The following RIPOR1 variants were observed in gnomAD, a reference collection of about 807,000 sequenced individuals.
RIPOR1 encodes RHO family interacting cell polarization regulator 1.
A neutral mutation model predicts 116.5 loss-of-function variants in RIPOR1; 58 were observed. The ratio of observed to expected loss-of-function variants is 0.50; its 90% CI spans 0.40 to 0.62. The LOEUF is 0.62. Ranked by LOEUF, RIPOR1 falls within the 20% of genes least tolerant of loss-of-function variation. RIPOR1 has a pLI of 0.00. For missense variants in RIPOR1, 1,372 were observed against 1,586.2 expected (o/e 0.86, Z 2.29); for synonymous variants, 605 against 650.0 (o/e 0.93, Z 1.05).
At chr16:67,538,366 C>A in intron 1 of RIPOR1, 58 bp from the exon 2 acceptor site, 1 of 1,514,624 alleles carries the variant, frequency 6.6e-7, no homozygotes, top group Non-Finnish European at 8.9e-7. Context: ...GATCCCGCTG[C>A]GTGGGAGAGG....
rs555451756 is a variant in RIPOR1, at chr16:67,542,584, A to G, written c.1798A>G (p.Ser600Gly). The G allele has an allele frequency of 6.2e-7, 1 of 1,613,740 alleles. No homozygotes were observed. Among genetic ancestry groups the G allele is most frequent in the Admixed American group, 1.7e-5 (1 of 59,970 alleles). The change falls in exon 13 of 22, where the codon AGC (serine) becomes GGC (glycine). Residue 600 changes from serine to glycine, a missense_variant. This residue lies in a region of RIPOR1 where 1,005 missense variants were observed against 1,144.7 expected (regional missense o/e 0.88). Transcript: ENST00000042381. The surrounding 1 kb of genome is among the most constrained non-coding windows in gnomAD (Gnocchi z 4.6). ...NIIGPVQTTT[S>G]PTHTMPSPTH... Reference sequence around the variant, plus strand: ...CATAGGCCCAGTCCAGACTACCACAAGCCCCACCCACACTATGCCAAGCCC... The same window carrying G: ...CATAGGCCCAGTCCAGACTACCACAGGCCCCACCCACACTATGCCAAGCCC...
In RIPOR1 at chr16:67,531,288, TC is replaced by T. The variant is rs1265616034; in HGVS notation, c.-24+2376del. On this transcript the variant is annotated intron_variant, in intron 1 of 21. Coordinates refer to ENST00000042381, the MANE Select transcript of RIPOR1 (RefSeq NM_024519.4). The surrounding 1 kb of genome is among the most constrained non-coding windows in gnomAD (Gnocchi z 4.2). ...CAACAAACAGCTCAGGACCTGCTGT[TC>T]CTGTGTCTAGGCAGCCCAGCTTCCC... is the stretch of plus-strand genomic sequence containing the variant. 1.3e-5 allele frequency among the ~76,000 whole-genome samples: 2 copies of T among 151,898 alleles called. No individual in the cohort carries two copies. The highest frequency in any genetic ancestry group is 2.9e-5 in the Non-Finnish European group (2 of 67,970).
chr16:67,536,498 T>G (rs2050798525), intron 1 of RIPOR1, among the ~76,000 whole-genome samples: 1 of 152,022 alleles, frequency 6.6e-6, no homozygotes, highest in South Asian at 2.1e-4. Flanking sequence ...GAGGCCCATG[T>G]GAGCTGGGGG....
Position 67,542,958 on chromosome 16 carries a change from TC to T in RIPOR1, c.2176del (p.His726ThrfsTer27). 1 of 1,580,596 alleles carries T rather than the reference TC, an allele frequency of 6.3e-7. No individual in the cohort carries two copies. The highest frequency in any genetic ancestry group is 1.2e-5 in the South Asian group (1 of 85,658). On this transcript the variant is annotated frameshift_variant, in exon 13 of 22. Transcript: ENST00000042381. LOFTEE classifies it high-confidence loss of function. The surrounding 1 kb of genome is among the most constrained non-coding windows in gnomAD (Gnocchi z 4.6). ...AGGCAGACCCTATGGCCCCCAGAACTCCCCACCCAAGTCCTGCCCATTCCAG... is the reference window on the plus strand; with the variant it reads ...AGGCAGACCCTATGGCCCCCAGAACTCCCACCCAAGTCCTGCCCATTCCAG... ...TQADPMAPRTPHPSPAHSSRK... is the reference protein window; with the variant it reads ...TQADPMAPRTXHPSPAHSSRK...
At chr16:67,524,700 G>T (rs1319145070), upstream of RIPOR1, among the ~76,000 whole-genome samples, 1 of 152,140 alleles carries the variant, frequency 6.6e-6, no homozygotes, top group African/African-American at 2.4e-5. Context: ...TGCCTCATCT[G>T]GGATGTCTCC....
At position 67,538,660 on chromosome 16, in the gene RIPOR1, CCT is replaced by C. The variant is rs1266889658; in HGVS notation, c.105-8_105-7del. ...CCTGCTCTCCTCTTTCTGAGGACAG[CCT>C]CTCCTTCAGGAGTTTCCCGGTCTTC... On this transcript the variant is annotated splice_polypyrimidine_tract_variant and intron_variant, in intron 2 of 21. Transcript: ENST00000042381. The C allele has an allele frequency of 2.5e-6, 4 of 1,612,000 alleles. No homozygotes were observed. Among genetic ancestry groups the C allele is most frequent in the Non-Finnish European group, 3.4e-6 (4 of 1,179,312 alleles).
Position 67,546,207 on chromosome 16 carries a change from G to T in RIPOR1, c.3538G>T (p.Ala1180Ser), listed in dbSNP as rs542236595. 4 of 1,614,140 alleles carry T rather than the reference G, an allele frequency of 2.5e-6. No individual in the cohort carries two copies. The South Asian group carries it at 3.3e-5, about 13-fold the overall frequency. Residue 1180 changes from alanine (A) to serine (S), a missense_variant, in exon 21 of 22, where the codon GCC becomes TCC. This residue lies in a region of RIPOR1 where 1,005 missense variants were observed against 1,144.7 expected (regional missense o/e 0.88). Transcript: ENST00000042381. ...QTDTEAVREAARQSLQQCGEE... is the reference protein window; with the variant it reads ...QTDTEAVREASRQSLQQCGEE... ...TGACACAGAAGCTGTGAGGGAAGCTGCCCGGCAAAGCCTACAGCAGTGTGG... is the reference window on the plus strand; with the variant it reads ...TGACACAGAAGCTGTGAGGGAAGCTTCCCGGCAAAGCCTACAGCAGTGTGG...
Position 67,544,708 on chromosome 16 carries a change from T to A in RIPOR1, c.2747T>A (p.Phe916Tyr), listed in dbSNP as rs749667949. 6.2e-7 allele frequency: 1 copy of A among 1,613,264 alleles called. No individual in the cohort carries two copies. The highest frequency in any genetic ancestry group is 1.1e-5 in the South Asian group (1 of 91,086). The change falls in exon 16 of 22, where the codon TTT (phenylalanine) becomes TAT (tyrosine). Residue 916 changes from phenylalanine (F) to tyrosine (Y), a missense_variant. Phe to Tyr is a conservative substitution (Grantham distance 22). Around this residue, in one of 3 missense-constraint regions of RIPOR1, gnomAD observed 1,005 missense variants for 1,144.7 expected, o/e 0.88. Coordinates refer to ENST00000042381, the MANE Select transcript of RIPOR1 (RefSeq NM_024519.4). The surrounding 1 kb of genome is among the most constrained non-coding windows in gnomAD (Gnocchi z 5.1). The stretch of plus-strand genomic sequence containing the variant: ...CATGTTCTCCAGAAACTGGGCACAT[T>A]TGGGCCCCTGCGCTGCCAGGAGGCA... ...CSRLLLKLGT[F>Y]GPLRCQEAWA...
chr16:67,526,020 G>A (rs1446638003), upstream of RIPOR1, among the ~76,000 whole-genome samples: 1 of 152,190 alleles, frequency 6.6e-6, no homozygotes, highest in Non-Finnish European at 1.5e-5. Flanking sequence ...TCGGAGGGAT[G>A]CTGCCCTTCC....
upstream of RIPOR1, among the ~76,000 whole-genome samples, chr16:67,525,862 C>T (rs917519626): frequency 1.3e-5 from 2 of 152,132 alleles, no homozygotes; most frequent in African/African-American, 2.4e-5. Flanking sequence ...CCCTTCCCAA[C>T]GATGTGACAG....
Position 67,537,716 on chromosome 16 carries a change from T to G in RIPOR1, c.-23-708T>G. ...GGGGTGGGGGTCTGCCGAGGAGCTC[T>G]CCCCGCCGATGCCGGGGTGGAGGCG... is the stretch of plus-strand genomic sequence containing the variant. On this transcript the variant is annotated intron_variant, in intron 1 of 21. Transcript: ENST00000042381. This position sits in a 1 kb window ranked among gnomAD's most constrained non-coding sequence, Gnocchi z 4.6. The G allele has an allele frequency of 2.3e-4, 127 of 557,528 alleles. No individual in the cohort carries two copies. Among genetic ancestry groups the G allele is most frequent in the Non-Finnish European group, 2.7e-4 (99 of 371,600 alleles). The allele number at this position is 557,528 out of a possible 1,614,324, so 34.5% of individuals were successfully genotyped here.
chr16:67,538,701 C>T lies in RIPOR1; in HGVS notation c.134C>T (p.Pro45Leu), dbSNP rs200677001. Residue 45 changes from proline (P) to leucine (L), a missense_variant, in exon 3 of 22, where the codon CCC becomes CTC. Pro to Leu is a moderately conservative substitution (Grantham distance 98, BLOSUM62 -3). Transcript: ENST00000042381. ...TTCCCGGTCTTCAGCCCGCCGGGGC[C>T]CCCACGGAAGCCCCCCGCGCTCTCC... ...RSFPVFSPPG[P>L]PRKPPALSRV... The T allele has an allele frequency of 2.2e-4, 358 of 1,613,234 alleles. No individual in the cohort carries two copies. Among genetic ancestry groups the T allele is most frequent in the Non-Finnish European group, 2.4e-4 (278 of 1,179,866 alleles).
Position 67,542,843 on chromosome 16 carries a change from C to G in RIPOR1, c.2057C>G (p.Thr686Ser). The G allele has an allele frequency of 6.2e-7, 1 of 1,613,948 alleles. No homozygotes were observed. The highest frequency in any genetic ancestry group is 8.5e-7 in the Non-Finnish European group (1 of 1,179,984). The change falls in exon 13 of 22, where the codon ACC (threonine) becomes AGC (serine). Residue 686 changes from threonine to serine, a missense_variant. Thr to Ser is a moderately conservative substitution (Grantham distance 58). Coordinates refer to ENST00000042381, the MANE Select transcript of RIPOR1 (RefSeq NM_024519.4). This position sits in a 1 kb window ranked among gnomAD's most constrained non-coding sequence, Gnocchi z 4.6. The part of the protein sequence containing the change: ...VSPSTSLELA[T>S]LSSPSKHSDP... ...CCTTCCACTTCTCTAGAACTTGCTA[C>G]CCTCTCCAGCCCCTCCAAACACTCA...
Position 67,529,713 on chromosome 16 carries a change from C to A in RIPOR1, c.-24+799C>A. ...CGTGTGTCCAGGCTGGCCGCCCCAGCACCTACTGTGCGCAGCCTCGTGTAA... is the reference window on the plus strand; with the variant it reads ...CGTGTGTCCAGGCTGGCCGCCCCAGAACCTACTGTGCGCAGCCTCGTGTAA... On this transcript the variant is annotated intron_variant, in intron 1 of 21. Coordinates refer to ENST00000042381, the MANE Select transcript of RIPOR1 (RefSeq NM_024519.4). The surrounding 1 kb of genome is among the most constrained non-coding windows in gnomAD (Gnocchi z 4.1). 6.6e-7 allele frequency: 1 copy of A among 1,517,882 alleles called. No homozygotes were observed. Among genetic ancestry groups the A allele is most frequent in the Middle Eastern group, 2.3e-4 (1 of 4,366 alleles). 94.0% of individuals were successfully genotyped at this position (1,517,882 alleles called of 1,614,324 possible).
Position 67,541,834 on chromosome 16 carries a change from G to C in RIPOR1, c.1081-33G>C. On this transcript the variant is annotated intron_variant, in intron 12 of 21. Transcript: ENST00000042381. The surrounding 1 kb of genome is among the most constrained non-coding windows in gnomAD (Gnocchi z 4.6). ...CACCATCCCCCAGAGGCTCCCTGGG[G>C]GTGGTTCTGAAATGCCCTCTCCTCT... 6.2e-7 allele frequency: 1 copy of C among 1,613,240 alleles called. No homozygotes were observed.
rs764417531 is a variant in RIPOR1 at position 67,545,702 on chromosome 16, G to A, written c.3229G>A (p.Val1077Ile). ...VRNLNSDDQA[V>I]VLKALRLAPE... Reference sequence around the variant, plus strand: ...GAATCTGAACTCGGATGATCAGGCTGTTGTGCTGAAGGCCCTGAGATTGGC... The same window carrying A: ...GAATCTGAACTCGGATGATCAGGCTATTGTGCTGAAGGCCCTGAGATTGGC... Residue 1077 changes from valine to isoleucine, a missense_variant, in exon 19 of 22, where the codon GTT becomes ATT. Around this residue, in one of 3 missense-constraint regions of RIPOR1, gnomAD observed 1,005 missense variants for 1,144.7 expected, o/e 0.88. Coordinates refer to ENST00000042381, the MANE Select transcript of RIPOR1 (RefSeq NM_024519.4). The surrounding 1 kb of genome is among the most constrained non-coding windows in gnomAD (Gnocchi z 4.8). 8 of 1,586,532 alleles carry A rather than the reference G, an allele frequency of 5.0e-6. No homozygotes were observed. Among genetic ancestry groups the A allele is most frequent in the Non-Finnish European group, 6.0e-6 (7 of 1,166,688 alleles).
chr16:67,546,669 C>T lies in RIPOR1; in HGVS notation c.*206C>T. ...CTCCCAGCCTCGGCTCAGCACATCC[C>T]TTGCCACAAATCAGTGTCTGGGGCT... On this transcript the variant is annotated 3_prime_UTR_variant, in exon 22 of 22. Transcript: ENST00000042381. 3.4e-6 allele frequency: 2 copies of T among 585,548 alleles called. No homozygotes were observed. The highest frequency in any genetic ancestry group is 6.1e-6 in the Non-Finnish European group (2 of 327,994). The allele number at this position is 585,548 out of a possible 1,614,324, so 36.3% of individuals were successfully genotyped here. A position where few individuals can be genotyped will look rare whatever the true frequency, so the allele number is the denominator to read the frequency against.
At chr16:67,518,823 G>A (rs754196746) in intron 1 of RIPOR1, among the ~76,000 whole-genome samples, 38 of 152,216 alleles carry the variant, frequency 2.5e-4, no homozygotes, top group Non-Finnish European at 5.4e-4. Context: ...TCTTGGAAGG[G>A]GAGGCAGACA....
upstream of RIPOR1, among the ~76,000 whole-genome samples, chr16:67,528,116 C>A (rs569706582): frequency 5.3e-5 from 8 of 152,118 alleles, no homozygotes; most frequent in African/African-American, 1.9e-4. Flanking sequence ...GCCCTTTGAC[C>A]CCAACATGGG....
Sources: gnomAD v4.1 joint callset for allele counts (sites outside exome capture counted in the v4.1 genomes callset) on GRCh38, gnomAD v4.1.1 for gene constraint, gnomAD v4.1.1 regional missense constraint, Gnocchi (gnomAD v3.1) non-coding constraint, MANE v1.5 for transcripts, NCBI Gene and HGNC (gene_info 2026-07-23, HGNC 2026-07-21) for gene names.